Variants in AMDHD1 observed in about 807,000 individuals in gnomAD.
AMDHD1 encodes amidohydrolase domain containing 1.
In AMDHD1, 45 loss-of-function variants were observed where a neutral mutation model predicts 44.1. The observed-to-expected ratio is 1.02, with a 90% CI of 0.80 to 1.31. The LOEUF (loss-of-function observed/expected upper bound fraction) is 1.31, where lower values mean the gene tolerates loss of function less well. Among genes scored for constraint, AMDHD1 ranks in the 50% most tolerant of loss-of-function variants. AMDHD1 has a pLI of 0.00. For synonymous variants in AMDHD1, 206 were observed against 205.0 expected (o/e 1.00, Z -0.04); for missense variants, 586 against 552.1 (o/e 1.06, Z -0.61).
At chr12:95,963,421 C>T (rs2080592949) in intron 6 of AMDHD1, among the ~76,000 whole-genome samples, 1 of 152,202 alleles carries the variant, frequency 6.6e-6, no homozygotes, top group Non-Finnish European at 1.5e-5. Context: ...CAGCCCAAGA[C>T]ATGAATTGTA....
At chr12:95,947,763 G>A (rs1189437722) in intron 1 of AMDHD1, among the ~76,000 whole-genome samples, 3 of 81,306 alleles carry the variant, frequency 3.7e-5, no homozygotes, top group African/African-American at 1.0e-4. Flanking sequence ...GGAGGGAGGT[G>A]GGGGGGTCAG....
At chr12:95,962,549 C>T in intron 6 of AMDHD1, 70 bp downstream of exon 6, 3 of 1,478,060 alleles carry the variant, frequency 2.0e-6, no homozygotes, top group Admixed American at 2.5e-5. Flanking sequence ...GTCCAAAGTG[C>T]CCAGACATTA....
Position 95,952,716 on chromosome 12 carries a change from G to T in AMDHD1, c.138-1G>T. On this transcript the variant is annotated splice_acceptor_variant, in intron 1 of 8. Transcript: ENST00000266736. LOFTEE classifies it high-confidence loss of function. Reference sequence around the variant, plus strand: ...ATAACTATTTCTTGATTTTTCTTCAGAGATGGATTTATAAAAGCTATTGGT... The same window carrying T: ...ATAACTATTTCTTGATTTTTCTTCATAGATGGATTTATAAAAGCTATTGGT... 6.3e-7 allele frequency: 1 copy of T among 1,587,108 alleles called. No homozygotes were observed.
Position 95,960,473 on chromosome 12 carries a change from T to G in AMDHD1, c.663T>G (p.Asn221Lys). 2 of 1,614,174 alleles carry G rather than the reference T, an allele frequency of 1.2e-6. No individual in the cohort carries two copies. Among genetic ancestry groups the G allele is most frequent in the Non-Finnish European group, 1.7e-6 (2 of 1,180,030 alleles). The part of the protein sequence containing the change: ...HLPKLKELGR[N>K]GEIHVDNIDV... ...CAAAGCTGAAGGAACTTGGCAGAAA[T>G]GGGGAAATACACGTGGACAATATAG... The change falls in exon 5 of 9, where the codon AAT becomes AAG. Residue 221 changes from asparagine to lysine, a missense_variant. By Grantham distance (94) the Asn-to-Lys change is moderately conservative. Coordinates refer to ENST00000266736, the MANE Select transcript of AMDHD1 (RefSeq NM_152435.3).
In AMDHD1 at chr12:95,952,812, G is replaced by A. The variant is rs745724234; in HGVS notation, c.233G>A (p.Cys78Tyr). The A allele has an allele frequency of 3.7e-6, 6 of 1,602,480 alleles. No individual in the cohort carries two copies. In the South Asian group the frequency reaches 5.5e-5, roughly 15 times the overall value. ...FEEIIDCSGK[C>Y]ILPGLVDAHT... Reference sequence around the variant, plus strand: ...GAAATAATTGACTGCTCTGGGAAATGTATTCTACCAGGTATTTACCTCTTT... The same window carrying A: ...GAAATAATTGACTGCTCTGGGAAATATATTCTACCAGGTATTTACCTCTTT... Residue 78 changes from cysteine (C) to tyrosine (Y), a missense_variant, in exon 2 of 9, where the codon TGT becomes TAT. Transcript: ENST00000266736.
intron 1 of AMDHD1, among the ~76,000 whole-genome samples, chr12:95,944,353 T>G (rs2080483185): frequency 6.6e-6 from 1 of 150,990 alleles, no homozygotes. Flanking sequence ...ATTTATTTAT[T>G]TATTTATTTA....
At chr12:95,964,353 C>T (rs1352549223) in intron 6 of AMDHD1, among the ~76,000 whole-genome samples, 1 of 152,164 alleles carries the variant, frequency 6.6e-6, no homozygotes, top group African/African-American at 2.4e-5. Flanking sequence ...TCCAGAATAA[C>T]CATTGCCTTA....
intron 1 of AMDHD1, among the ~76,000 whole-genome samples, chr12:95,947,716 G>A (rs2080503617): frequency 9.9e-5 from 7 of 70,438 alleles, no homozygotes; most frequent in African/African-American, 4.4e-4. Flanking sequence ...GGGAGATGGG[G>A]GGGTCAGCCC....
intron 4 of AMDHD1, 148 bp from the exon 5 acceptor site, chr12:95,960,250 A>G (rs1170350965): frequency 1.5e-6 from 1 of 671,722 alleles, no homozygotes; most frequent in East Asian, 2.7e-5. Flanking sequence ...AAGAGCCCAT[A>G]GTTGTAGCTT....
rs557473255 is a variant in AMDHD1, at chr12:95,954,893, T to A, written c.245-18T>A. ...CTCTATTTCTTAATTGTAAGATAAC[T>A]TGATTTATTGATTATAGGTTTGGTG... On this transcript the variant is annotated intron_variant, in intron 2 of 8. Coordinates refer to ENST00000266736, the MANE Select transcript of AMDHD1 (RefSeq NM_152435.3). The A allele has an allele frequency of 1.8e-5, 29 of 1,613,516 alleles. No individual in the cohort carries two copies. Among genetic ancestry groups the A allele is most frequent in the Admixed American group, 3.3e-5 (2 of 60,026 alleles).
In AMDHD1 at chr12:95,960,460, A is replaced by G. The variant is rs781264650; in HGVS notation, c.650A>G (p.Glu217Gly). 1.9e-6 allele frequency: 3 copies of G among 1,614,248 alleles called. No homozygotes were observed. The highest frequency in any genetic ancestry group is 2.5e-6 in the Non-Finnish European group (3 of 1,180,042). ...IINNHLPKLK[E>G]LGRNGEIHVD... ...AATAACCACCTCCCAAAGCTGAAGG[A>G]ACTTGGCAGAAATGGGGAAATACAC... The change falls in exon 5 of 9, where the codon GAA becomes GGA. Residue 217 changes from glutamate (E) to glycine (G), a missense_variant. Coordinates refer to ENST00000266736, the MANE Select transcript of AMDHD1 (RefSeq NM_152435.3).
intron 5 of AMDHD1, 28 bp downstream of exon 5, chr12:95,960,651 G>C (rs551643279): frequency 1.3e-6 from 2 of 1,594,612 alleles, no homozygotes; most frequent in Non-Finnish European, 1.7e-6. Flanking sequence ...TTTTTCCCTC[G>C]TCAACATTCA....
At chr12:95,959,409 A>T (rs2080568401) in intron 4 of AMDHD1, among the ~76,000 whole-genome samples, 1 of 152,118 alleles carries the variant, frequency 6.6e-6, no homozygotes, top group Admixed American at 6.5e-5. Flanking sequence ...TACTCTTCTT[A>T]TTGTTAATTT....
intron 5 of AMDHD1, 102 bp from the exon 6 acceptor site, chr12:95,962,253 G>C (rs1310791106): frequency 6.1e-6 from 9 of 1,469,350 alleles, no homozygotes; most frequent in Non-Finnish European, 8.1e-6. Flanking sequence ...TACAGAGCAA[G>C]ACTCCGTCTC....
chr12:95,959,881 C>T (rs112521530), intron 4 of AMDHD1, among the ~76,000 whole-genome samples: 1,537 of 148,432 alleles, frequency 0.01, 18 homozygotes, highest in African/African-American at 0.037. Flanking sequence ...CTGCAACCTC[C>T]GCCTCCCTGG....
rs1236961020 is a variant in AMDHD1, at chr12:95,943,348, GCCGGTGGCCCGAGC to G, written c.-41_-28del. 8.1e-7 allele frequency: 1 copy of G among 1,238,756 alleles called. No individual in the cohort carries two copies. Among genetic ancestry groups the G allele is most frequent in the African/African-American group, 1.7e-5 (1 of 59,422 alleles). The allele number at this position is 1,238,756 out of a possible 1,614,324, so 76.7% of individuals were successfully genotyped here. A position where few individuals can be genotyped will look rare whatever the true frequency, so the allele number is the denominator to read the frequency against. On this transcript the variant is annotated 5_prime_UTR_variant, in exon 1 of 9. Transcript: ENST00000266736. Reference sequence around the variant, plus strand: ...GGCTTTTCGTCCTCCACTGAGTCCTGCCGGTGGCCCGAGCCCGGTGGCCTCCCGGCGACCCTCGG... The same window carrying G: ...GGCTTTTCGTCCTCCACTGAGTCCTGCCGGTGGCCTCCCGGCGACCCTCGG...
In AMDHD1 at chr12:95,962,217, G is replaced by T. The variant is rs1006767729; in HGVS notation, c.814-138G>T. On this transcript the variant is annotated intron_variant, in intron 5 of 8. Coordinates refer to ENST00000266736, the MANE Select transcript of AMDHD1 (RefSeq NM_152435.3). ...GGAGGCGGAGGTTGCAGTGAGCTGA[G>T]ATTGCACTACTGCACCCAGCCTGGC... is the stretch of plus-strand genomic sequence containing the variant. The T allele has an allele frequency of 2.4e-6, 3 of 1,238,916 alleles. No individual in the cohort carries two copies. In the African/African-American group the frequency reaches 4.6e-5, roughly 19 times the overall value. 76.7% of individuals were successfully genotyped at this position (1,238,916 alleles called of 1,614,324 possible). A position where few individuals can be genotyped will look rare whatever the true frequency, so the allele number is the denominator to read the frequency against.
chr12:95,956,235 A>G (rs1198423508), intron 3 of AMDHD1, among the ~76,000 whole-genome samples: 1 of 152,122 alleles, frequency 6.6e-6, no homozygotes, highest in Non-Finnish European at 1.5e-5. Flanking sequence ...CAGCCTCCAG[A>G]GTAGCTGGGG....
At position 95,967,849 on chromosome 12, in the gene AMDHD1, T is replaced by C; in HGVS notation, c.*6T>C. 6.5e-7 allele frequency: 1 copy of C among 1,548,900 alleles called. No homozygotes were observed. Among genetic ancestry groups the C allele is most frequent in the East Asian group, 2.3e-5 (1 of 44,034 alleles). On this transcript the variant is annotated 3_prime_UTR_variant, in exon 9 of 9. Transcript: ENST00000266736. ...AACTCATCTATAAAACATGATAGAT[T>C]TGAAAAGAGAAGACTTTTTGACTAT...
Sources: allele counts gnomAD v4.1 joint callset (sites outside exome capture counted in the v4.1 genomes callset), GRCh38; gene constraint gnomAD v4.1.1; transcripts MANE v1.5; gene names NCBI Gene and HGNC (gene_info 2026-07-23, HGNC 2026-07-21).